The following RAP1GAP2 variants were observed in gnomAD, a reference collection of about 807,000 sequenced individuals.
RAP1GAP2 encodes the protein RAP1 GTPase activating protein 2.
In RAP1GAP2, 27 loss-of-function variants were observed where a neutral mutation model predicts 95.0. The observed-to-expected ratio is 0.28, with a 90% confidence interval of 0.21 to 0.39. RAP1GAP2 has a LOEUF of 0.39. Ranked by LOEUF, RAP1GAP2 falls within the 10% of genes least tolerant of loss-of-function variation. The pLI, the probability that RAP1GAP2 is intolerant of heterozygous loss-of-function variation, is 1.00. For synonymous variants in RAP1GAP2, 373 were observed against 380.9 expected, an observed-to-expected ratio of 0.98 and a Z score of 0.24; for missense variants, 771 against 970.0, an observed-to-expected ratio of 0.79 and a Z score of 2.72.
intron 2 of RAP1GAP2, among the ~76,000 whole-genome samples, chr17:2,897,651 T>C (rs1441298124): frequency 6.6e-6 from 1 of 151,878 alleles, no homozygotes; most frequent in Non-Finnish European, 1.5e-5. Context: ...TGAGCCACCA[T>C]ACCCAGCCCC....
chr17:2,975,291 ATAGAT>A (rs1381035319), intron 8 of RAP1GAP2, among the ~76,000 whole-genome samples: 2 of 152,212 alleles, frequency 1.3e-5, no homozygotes, highest in Non-Finnish European at 2.9e-5. Flanking sequence ...ATAAGTATAA[ATAGAT>A]TAAATTAGCC....
intron 3 of RAP1GAP2, among the ~76,000 whole-genome samples, chr17:2,937,952 T>C (rs2043353834): frequency 6.6e-6 from 1 of 152,056 alleles, no homozygotes; most frequent in Non-Finnish European, 1.5e-5. Context: ...CTTGGAAGAC[T>C]GTGGGGTTCT....
chr17:2,896,264 G>A (rs886412204), intron 2 of RAP1GAP2, among the ~76,000 whole-genome samples: 9 of 152,172 alleles, frequency 5.9e-5, no homozygotes, highest in African/African-American at 2.2e-4. Flanking sequence ...TCAGATGCTT[G>A]TGAATCACAC....
At chr17:2,852,091 G>C (rs2071876660) in intron 2 of RAP1GAP2, among the ~76,000 whole-genome samples, 1 of 152,168 alleles carries the variant, frequency 6.6e-6, no homozygotes, top group South Asian at 2.1e-4. Context: ...GCTATAGCGC[G>C]GTGGGAGAGA....
At chr17:2,848,814 C>A (rs1395941581) in intron 2 of RAP1GAP2, among the ~76,000 whole-genome samples, 2 of 152,034 alleles carry the variant, frequency 1.3e-5, no homozygotes, top group Non-Finnish European at 2.9e-5. Flanking sequence ...GCACCCGGCC[C>A]AGCTCTCACT....
chr17:2,796,320 TG>T (rs971786069), upstream of RAP1GAP2: 92 of 592,874 alleles, frequency 1.6e-4, no homozygotes, highest in Admixed American at 6.4e-4. This position sits in a 1 kb window ranked among gnomAD's most constrained non-coding sequence, Gnocchi z 4.7. Context: ...CGGCCTATCT[TG>T]GTGCCTCCTG....
intron 2 of RAP1GAP2, among the ~76,000 whole-genome samples, chr17:2,887,918 C>G (rs1462889483): frequency 6.6e-6 from 1 of 152,142 alleles, no homozygotes; most frequent in Non-Finnish European, 1.5e-5. Flanking sequence ...AGGTGATCCT[C>G]CTGCCTCGGC....
At chr17:2,996,763 A>C (rs1597828090) in intron 13 of RAP1GAP2, among the ~76,000 whole-genome samples, 1 of 152,174 alleles carries the variant, frequency 6.6e-6, no homozygotes, top group Admixed American at 6.5e-5. Flanking sequence ...AGTAAATATT[A>C]AGTTTCTCTT....
intron 2 of RAP1GAP2, among the ~76,000 whole-genome samples, chr17:2,812,025 A>G (rs2069790508): frequency 6.6e-6 from 1 of 152,108 alleles, no homozygotes; most frequent in Admixed American, 6.6e-5. Context: ...GGAAATCTGG[A>G]GTTTTAGACA....
chr17:2,856,287 G>GC (rs545406697), intron 2 of RAP1GAP2, among the ~76,000 whole-genome samples: 1 of 152,138 alleles, frequency 6.6e-6, no homozygotes, highest in African/African-American at 2.4e-5. Flanking sequence ...GAGAGGAAAA[G>GC]CCCCCTGCAC....
intron 2 of RAP1GAP2, among the ~76,000 whole-genome samples, chr17:2,854,324 G>A (rs2072033109): frequency 2.0e-5 from 3 of 152,216 alleles, no homozygotes; most frequent in South Asian, 2.1e-4. Flanking sequence ...CGCTGGGAGG[G>A]CGCATCGGGG....
chr17:2,776,763 C>T (rs2068510328), upstream of RAP1GAP2, among the ~76,000 whole-genome samples: 2 of 149,620 alleles, frequency 1.3e-5, no homozygotes, highest in African/African-American at 4.9e-5. Context: ...GCTTTGTGCG[C>T]TGGGGCCGGC....
rs145302066 is a variant in RAP1GAP2, at chr17:2,767,286, C to T, written c.51-3043C>T. The stretch of plus-strand genomic sequence containing the variant: ...CTGAGGCAGGAGAATCACTTGAACC[C>T]GGGCGGCAGAGGTTGCAGTGAGTTG... On this transcript the variant is annotated intron_variant, in intron 1 of 25. Transcript: ENST00000637138. Among the ~76,000 whole-genome samples the T allele has an allele frequency of 3.7e-3, 519 of 140,136 alleles. 18 individuals are homozygous for T. In the East Asian group the frequency reaches 0.089, roughly 24 times the overall value. 91.9% of individuals were successfully genotyped at this position (140,136 alleles called of 152,430 possible). A position where few individuals can be genotyped will look rare whatever the true frequency, so the allele number is the denominator to read the frequency against.
Position 2,999,945 on chromosome 17 carries a change from ATTTTC to A in RAP1GAP2, c.1200+1584_1200+1588del, listed in dbSNP as rs1254297333. ...TGGCGAAGACATGGTGTGAGCATTTATTTTCTTTTCTTTTCTTTTTGAGACAGAGT... is the reference window on the plus strand; with the variant it reads ...TGGCGAAGACATGGTGTGAGCATTTATTTTCTTTTCTTTTTGAGACAGAGT... On this transcript the variant is annotated intron_variant, in intron 14 of 24. Coordinates refer to ENST00000254695, the MANE Select transcript of RAP1GAP2 (RefSeq NM_015085.5). Among the ~76,000 whole-genome samples, 4 of 151,846 alleles carry A rather than the reference ATTTTC, an allele frequency of 2.6e-5. No homozygotes were observed. In the South Asian group the frequency reaches 6.2e-4, roughly 24 times the overall value.
At chr17:2,938,549 A>G (rs1042298601) in intron 3 of RAP1GAP2, among the ~76,000 whole-genome samples, 14 of 152,112 alleles carry the variant, frequency 9.2e-5, no homozygotes, top group African/African-American at 1.7e-4. Context: ...CCCTGAGCTC[A>G]TGGTGTGTCT....
At chr17:2,937,942 C>T (rs1169419519) in intron 3 of RAP1GAP2, among the ~76,000 whole-genome samples, 1 of 152,122 alleles carries the variant, frequency 6.6e-6, no homozygotes, top group Admixed American at 6.5e-5. Context: ...TCTGTTCTCC[C>T]TTGGAAGACT....
intron 3 of RAP1GAP2, among the ~76,000 whole-genome samples, chr17:2,953,147 G>T (rs998494353): frequency 6.6e-6 from 1 of 151,886 alleles, no homozygotes; most frequent in Non-Finnish European, 1.5e-5. Context: ...ATAGTTTGAG[G>T]TATGGTCTTC....
chr17:2,787,115 T>C (rs928212739), intron 1 of RAP1GAP2, among the ~76,000 whole-genome samples: 2 of 151,460 alleles, frequency 1.3e-5, no homozygotes, highest in African/African-American at 4.9e-5. Context: ...CATACCTGGC[T>C]AGTTTTGTAG....
chr17:2,795,565 C>G (rs1233555226), upstream of RAP1GAP2, among the ~76,000 whole-genome samples: 1 of 152,246 alleles, frequency 6.6e-6, no homozygotes, highest in Non-Finnish European at 1.5e-5. Flanking sequence ...TGCCACTGCT[C>G]TGACCTCTGT....
Sources: gnomAD v4.1 joint callset for allele counts (sites outside exome capture counted in the v4.1 genomes callset) on GRCh38, gnomAD v4.1.1 for gene constraint, Gnocchi (gnomAD v3.1) non-coding constraint, MANE v1.5 for transcripts, NCBI Gene and HGNC (gene_info 2026-07-23, HGNC 2026-07-21) for gene names.